Variants in PDGFC observed in about 807,000 individuals in gnomAD.
The protein encoded by PDGFC is platelet derived growth factor C.
PDGFC carries 12 observed loss-of-function variants against 35.5 expected under a neutral mutation model. The ratio of observed to expected loss-of-function variants is 0.34; its 90% CI spans 0.22 to 0.55. PDGFC has a LOEUF of 0.55. Among genes scored for constraint, PDGFC ranks in the 20% least tolerant of loss-of-function variants. The pLI, the probability that PDGFC is intolerant of heterozygous loss-of-function variation, is 0.91. For synonymous variants in PDGFC, 159 were observed against 148.8 expected, an observed-to-expected ratio of 1.07 and a Z score of -0.50; for missense variants, 322 against 412.4, an observed-to-expected ratio of 0.78 and a Z score of 1.90.
intron 2 of PDGFC, among the ~76,000 whole-genome samples, chr4:156,837,961 C>T (rs973756098): frequency 2.0e-4 from 30 of 151,296 alleles, no homozygotes; most frequent in African/African-American, 7.4e-4. Context: ...TATTTTAAGC[C>T]CTCTTGGGAA....
Position 156,848,054 on chromosome 4 carries a change from TA to T in PDGFC, c.314+2166del, listed in dbSNP as rs1370130628. Among the ~76,000 whole-genome samples, 4 of 150,794 alleles carry T rather than the reference TA, an allele frequency of 2.7e-5. No individual in the cohort carries two copies. In the East Asian group the frequency reaches 7.8e-4, roughly 29 times the overall value. On this transcript the variant is annotated intron_variant, in intron 2 of 5. Coordinates refer to ENST00000502773, the MANE Select transcript of PDGFC (RefSeq NM_016205.3). ...CCAACATAAATAAATTCCAGATAAATAAAGAAAAATTAAAGGCAAAATTTAA... is the reference window on the plus strand; with the variant it reads ...CCAACATAAATAAATTCCAGATAAATAAGAAAAATTAAAGGCAAAATTTAA...
chr4:156,820,605 G>C (rs555306062), intron 2 of PDGFC, among the ~76,000 whole-genome samples: 2 of 152,106 alleles, frequency 1.3e-5, no homozygotes, highest in African/African-American at 2.4e-5. Flanking sequence ...CAGTGATCTG[G>C]TACCTAACCA....
intron 2 of PDGFC, among the ~76,000 whole-genome samples, chr4:156,827,187 G>A (rs1241901943): frequency 6.6e-6 from 1 of 152,116 alleles, no homozygotes; most frequent in African/African-American, 2.4e-5. Flanking sequence ...GGAGGCCAAG[G>A]TGGGCGGAAC....
intron 1 of PDGFC, among the ~76,000 whole-genome samples, chr4:156,961,952 A>G (rs967322811): frequency 6.6e-6 from 1 of 152,152 alleles, no homozygotes; most frequent in African/African-American, 2.4e-5. Flanking sequence ...TAACCTGTTC[A>G]CAACTTCCAA....
chr4:156,956,350 C>T (rs1352745711), intron 1 of PDGFC, among the ~76,000 whole-genome samples: 1 of 152,010 alleles, frequency 6.6e-6, no homozygotes, highest in African/African-American at 2.4e-5. Flanking sequence ...ATTAGCATCA[C>T]CTGTGAGGTG....
intron 5 of PDGFC, 130 bp from the exon 6 acceptor site, chr4:156,763,336 G>C: frequency 2.6e-6 from 1 of 378,216 alleles, no homozygotes; most frequent in Non-Finnish European, 4.8e-6. Flanking sequence ...TTTTCCTAGA[G>C]CACGCATTAT....
intron 1 of PDGFC, among the ~76,000 whole-genome samples, chr4:156,865,186 GCACACA>G (rs34323245): frequency 1.4e-5 from 2 of 146,676 alleles, no homozygotes; most frequent in Admixed American, 6.9e-5. Context: ...AGATACATGT[GCACACA>G]CACACACACA....
chr4:156,953,860 A>G (rs987498260), intron 1 of PDGFC, among the ~76,000 whole-genome samples: 2 of 151,956 alleles, frequency 1.3e-5, no homozygotes, highest in Non-Finnish European at 2.9e-5. Context: ...CCAGGACACA[A>G]TGGCCTGGAT....
chr4:156,882,028 T>C (rs988455235), intron 1 of PDGFC, among the ~76,000 whole-genome samples: 8 of 151,998 alleles, frequency 5.3e-5, no homozygotes, highest in African/African-American at 1.9e-4. Context: ...AGCATGAAAA[T>C]GGACTAATAC....
intron 3 of PDGFC, among the ~76,000 whole-genome samples, chr4:156,791,560 G>T (rs1731300844): frequency 6.6e-6 from 1 of 150,780 alleles, no homozygotes; most frequent in South Asian, 2.1e-4. Context: ...TAATAAAGAA[G>T]AATTATTTAA....
chr4:156,787,064 T>C (rs998440102), intron 3 of PDGFC, among the ~76,000 whole-genome samples: 10 of 152,206 alleles, frequency 6.6e-5, no homozygotes, highest in African/African-American at 2.4e-4. Flanking sequence ...CAGAGGTTTA[T>C]GGATATTACT....
At chr4:156,793,562 T>TATATATAA (rs1391337141) in intron 3 of PDGFC, among the ~76,000 whole-genome samples, 2 of 136,126 alleles carry the variant, frequency 1.5e-5, no homozygotes, top group South Asian at 2.3e-4. Flanking sequence ...TATATATATA[T>TATATATAA]AAAACACTTT....
intron 1 of PDGFC, among the ~76,000 whole-genome samples, chr4:156,901,480 G>A (rs960923323): frequency 1.3e-5 from 2 of 152,070 alleles, no homozygotes; most frequent in African/African-American, 4.8e-5. Context: ...TGGTCACAGA[G>A]TACATGACAT....
chr4:156,816,994 C>G (rs527919113), intron 2 of PDGFC, among the ~76,000 whole-genome samples: 1 of 152,018 alleles, frequency 6.6e-6, no homozygotes, highest in East Asian at 1.9e-4. Context: ...AGTTTTAACC[C>G]TACTTGGAAA....
intron 3 of PDGFC, among the ~76,000 whole-genome samples, chr4:156,804,410 A>T (rs1731700609): frequency 6.6e-6 from 1 of 152,000 alleles, no homozygotes; most frequent in African/African-American, 2.4e-5. Flanking sequence ...TGCTCTTGAG[A>T]GATTTTTATA....
intron 2 of PDGFC, among the ~76,000 whole-genome samples, chr4:156,813,272 C>T (rs1417821016): frequency 2.0e-5 from 3 of 152,032 alleles, no homozygotes; most frequent in Non-Finnish European, 4.4e-5. Flanking sequence ...ATGCAGGTTA[C>T]CACCACTCAT....
intron 4 of PDGFC, 74 bp downstream of exon 4, chr4:156,772,612 G>A (rs935793133): frequency 1.1e-6 from 1 of 897,614 alleles, no homozygotes. Flanking sequence ...CCCTTTAGAA[G>A]CTGTGGCAGA....
At position 156,833,344 on chromosome 4, in the gene PDGFC, G is replaced by A. The variant is rs77983229; in HGVS notation, c.314+16877C>T. Among the ~76,000 whole-genome samples the A allele has an allele frequency of 1.2e-3, 187 of 152,310 alleles. 1 individual carries two copies. The East Asian group carries it at 0.026, about 21-fold the overall frequency. Reference sequence around the variant, plus strand: ...TGGATATTCAATAAGCACGTATTAAGTCTGTGACTATAGGAAAGTAAATGT... The same window carrying A: ...TGGATATTCAATAAGCACGTATTAAATCTGTGACTATAGGAAAGTAAATGT... On this transcript the variant is annotated intron_variant, in intron 2 of 5. Coordinates refer to ENST00000502773, the MANE Select transcript of PDGFC (RefSeq NM_016205.3).
intron 1 of PDGFC, among the ~76,000 whole-genome samples, chr4:156,908,589 G>C (rs1730971165): frequency 6.6e-6 from 1 of 152,130 alleles, no homozygotes. Flanking sequence ...CAAAATGTTA[G>C]TAGAACTGTG....
Sources: gnomAD v4.1 joint callset for allele counts (sites outside exome capture counted in the v4.1 genomes callset) on GRCh38, gnomAD v4.1.1 for gene constraint, MANE v1.5 for transcripts, NCBI Gene and HGNC (gene_info 2026-07-23, HGNC 2026-07-21) for gene names.